The following ST6GAL2 variants were observed in gnomAD, a reference collection of about 807,000 sequenced individuals.
ST6GAL2 encodes beta-galactoside alpha-2,6-sialyltransferase 2.
In ST6GAL2, 24 loss-of-function variants were observed where a neutral mutation model predicts 37.5. That is an observed-to-expected ratio of 0.64 (90% CI 0.46 to 0.90). The LOEUF is 0.90. Among genes scored for constraint, ST6GAL2 ranks in the 40% least tolerant of loss-of-function variants. The probability of loss-of-function intolerance (pLI) is 0.00; values close to 1 mark genes in which losing one functional copy is unlikely to be tolerated. For missense variants in ST6GAL2, 715 were observed against 712.7 expected (o/e 1.00, Z -0.04); for synonymous variants, 306 against 295.1 (o/e 1.04, Z -0.38).
At chr2:106,860,529 G>A (rs1357720320) in intron 1 of ST6GAL2, among the ~76,000 whole-genome samples, 1 of 152,124 alleles carries the variant, frequency 6.6e-6, no homozygotes, top group Non-Finnish European at 1.5e-5. Flanking sequence ...GGAAACAAGA[G>A]CTGCAAAGGG....
intron 5 of ST6GAL2, among the ~76,000 whole-genome samples, chr2:106,821,618 C>A (rs181975366): frequency 2.3e-4 from 35 of 151,956 alleles, no homozygotes; most frequent in African/African-American, 8.4e-4. Flanking sequence ...CAATCTTACT[C>A]AAACCATTCT....
intron 1 of ST6GAL2, among the ~76,000 whole-genome samples, chr2:106,881,019 T>C (rs1678728723): frequency 6.6e-6 from 1 of 152,220 alleles, no homozygotes; most frequent in South Asian, 2.1e-4. Flanking sequence ...AGGGTCTCAC[T>C]CTGTCACCCA....
intron 1 of ST6GAL2, among the ~76,000 whole-genome samples, chr2:106,854,654 A>G (rs1473440177): frequency 6.6e-6 from 1 of 152,180 alleles, no homozygotes; most frequent in Non-Finnish European, 1.5e-5. Flanking sequence ...TTTAACTGAC[A>G]ATAAACTAAC....
chr2:106,825,855 T>C (rs1294821241), intron 5 of ST6GAL2, among the ~76,000 whole-genome samples: 2 of 152,218 alleles, frequency 1.3e-5, no homozygotes, highest in African/African-American at 4.8e-5. Flanking sequence ...ACACAGGAAG[T>C]GTGCAATTAA....
At chr2:106,873,920 T>A (rs1171860391) in intron 1 of ST6GAL2, among the ~76,000 whole-genome samples, 1 of 152,234 alleles carries the variant, frequency 6.6e-6, no homozygotes, top group African/African-American at 2.4e-5. Flanking sequence ...AGGAGCTCTA[T>A]TCATGGAGAT....
At chr2:106,869,799 C>T (rs1415222960) in intron 1 of ST6GAL2, among the ~76,000 whole-genome samples, 1 of 152,208 alleles carries the variant, frequency 6.6e-6, no homozygotes, top group East Asian at 1.9e-4. Flanking sequence ...GCTGTTCTCC[C>T]TCGCACCTGC....
rs1462997964 is a variant in ST6GAL2, at chr2:106,823,480, CACACACAG to C, written c.1318+6578_1318+6585del. ...ACACACACACACACACACACACACA[CACACACAG>C]AGAGAGAGAGAGAGAGATCGAGAGA... is the stretch of plus-strand genomic sequence containing the variant. On this transcript the variant is annotated intron_variant, in intron 5 of 5. Coordinates refer to ENST00000409382, the MANE Select transcript of ST6GAL2 (RefSeq NM_001142351.2). Among the ~76,000 whole-genome samples the C allele has an allele frequency of 2.0e-3, 185 of 93,892 alleles. 1 individual carries two copies. The highest frequency in any genetic ancestry group is 0.018 in the South Asian group (45 of 2,542). 61.6% of individuals were successfully genotyped at this position (93,892 alleles called of 152,430 possible). A position where few individuals can be genotyped will look rare whatever the true frequency, so the allele number is the denominator to read the frequency against.
At chr2:106,840,189 A>G (rs988450179) in intron 2 of ST6GAL2, among the ~76,000 whole-genome samples, 5 of 152,196 alleles carry the variant, frequency 3.3e-5, no homozygotes, top group African/African-American at 1.2e-4. Context: ...ATTTTTCATA[A>G]GATCGTGATC....
chr2:106,842,563 G>A (rs1676934609), intron 2 of ST6GAL2, among the ~76,000 whole-genome samples: 1 of 152,186 alleles, frequency 6.6e-6, no homozygotes, highest in African/African-American at 2.4e-5. Flanking sequence ...CGCCCTGATT[G>A]GGCAGCTTCT....
Position 106,802,763 on chromosome 2 carries a change from T to G in ST6GAL2, c.*3915A>C, listed in dbSNP as rs147081057. The G allele has an allele frequency of 8.7e-4, 133 of 152,310 alleles. No homozygotes were observed. The highest frequency in any genetic ancestry group is 3.2e-3 in the African/African-American group (132 of 41,578). 9.4% of individuals were successfully genotyped at this position (152,310 alleles called of 1,614,324 possible). ...AACAGACAATACAATAGAACATACTTGGAAGCTACCTGGCCAATAGGTTCA... is the reference window on the plus strand; with the variant it reads ...AACAGACAATACAATAGAACATACTGGGAAGCTACCTGGCCAATAGGTTCA... On this transcript the variant is annotated 3_prime_UTR_variant, in exon 6 of 6. Coordinates refer to ENST00000409382, the MANE Select transcript of ST6GAL2 (RefSeq NM_001142351.2).
intron 1 of ST6GAL2, among the ~76,000 whole-genome samples, chr2:106,870,680 G>A (rs1294265698): frequency 6.6e-6 from 1 of 152,064 alleles, no homozygotes; most frequent in Non-Finnish European, 1.5e-5. Flanking sequence ...AGGTTCACAG[G>A]TTGGTTTGGG....
At chr2:106,810,501 T>C (rs1675562921) in intron 5 of ST6GAL2, among the ~76,000 whole-genome samples, 1 of 152,208 alleles carries the variant, frequency 6.6e-6, no homozygotes. Context: ...TCTCATGAAT[T>C]GGTGGCTTCC....
At chr2:106,835,077 T>C (rs1676581990) in intron 2 of ST6GAL2, 1 of 152,162 alleles carries the variant, frequency 6.6e-6, no homozygotes, top group African/African-American at 2.4e-5. Flanking sequence ...TATGTTCCCT[T>C]TACAGAAGGC....
chr2:106,827,779 T>C (rs1676264008), intron 5 of ST6GAL2, among the ~76,000 whole-genome samples: 1 of 152,216 alleles, frequency 6.6e-6, no homozygotes, highest in Non-Finnish European at 1.5e-5. Context: ...TTTCCTCTTA[T>C]TCAGTTTGAC....
intron 1 of ST6GAL2, among the ~76,000 whole-genome samples, chr2:106,877,835 G>A (rs1297497316): frequency 1.3e-5 from 2 of 152,196 alleles, no homozygotes; most frequent in African/African-American, 4.8e-5. Flanking sequence ...GTTACTTAAA[G>A]GAGAAACAAA....
intron 5 of ST6GAL2, chr2:106,824,987 T>C (rs1676148126): frequency 6.6e-6 from 1 of 152,180 alleles, no homozygotes; most frequent in Admixed American, 6.5e-5. Context: ...TCAGTATCAC[T>C]TGAGAACTTG....
intron 5 of ST6GAL2, among the ~76,000 whole-genome samples, chr2:106,819,893 T>C (rs36007881): frequency 6.6e-6 from 1 of 152,188 alleles, no homozygotes; most frequent in Admixed American, 6.5e-5. Context: ...TCTTTATTTA[T>C]GCAATTGGTT....
At chr2:106,831,259 A>G (rs1028351072) in intron 4 of ST6GAL2, among the ~76,000 whole-genome samples, 5 of 152,096 alleles carry the variant, frequency 3.3e-5, no homozygotes, top group Non-Finnish European at 7.4e-5. Context: ...TCGCTCCTTT[A>G]CCCTCCCTCC....
intron 5 of ST6GAL2, among the ~76,000 whole-genome samples, chr2:106,807,306 T>C (rs1050489745): frequency 6.6e-6 from 1 of 152,296 alleles, no homozygotes; most frequent in African/African-American, 2.4e-5. Flanking sequence ...TCACATTCTA[T>C]ACACATGTCC....
Sources: gnomAD v4.1 joint callset for allele counts (sites outside exome capture counted in the v4.1 genomes callset) on GRCh38, gnomAD v4.1.1 for gene constraint, MANE v1.5 for transcripts, NCBI Gene and HGNC (gene_info 2026-07-23, HGNC 2026-07-21) for gene names.